The following CDK5RAP1 variants were observed in gnomAD, a reference collection of about 807,000 sequenced individuals.
CDK5RAP1 encodes mitochondrial tRNA methylthiotransferase CDK5RAP1.
A neutral mutation model predicts 64.5 loss-of-function variants in CDK5RAP1; 62 were observed. The ratio of observed to expected loss-of-function variants is 0.96; its 90% confidence interval spans 0.78 to 1.19. CDK5RAP1 has a LOEUF of 1.19. CDK5RAP1 is among the 50% of genes most tolerant of loss of function. The probability of loss-of-function intolerance (pLI) is 0.00; values close to 1 mark genes in which losing one functional copy is unlikely to be tolerated. For synonymous variants in CDK5RAP1, 250 were observed against 261.9 expected (o/e 0.95, Z 0.44); for missense variants, 657 against 735.0 (o/e 0.89, Z 1.23).
rs910163943 is a variant in CDK5RAP1 at position 33,374,344 on chromosome 20, C to A, written c.1108-132G>T. 31 of 632,316 alleles carry A rather than the reference C, an allele frequency of 4.9e-5. No homozygotes were observed. The Middle Eastern group carries it at 1.0e-3, about 20-fold the overall frequency. The allele number at this position is 632,316 out of a possible 1,614,324, so 39.2% of individuals were successfully genotyped here. On this transcript the variant is annotated intron_variant, in intron 8 of 13. Transcript: ENST00000346416. ...TAAGAGGCTAATTAAACCAGACACA[C>A]AAAATCACCTATTCCCTAACTTTTG...
At chr20:33,382,409 G>A (rs562730242) in intron 7 of CDK5RAP1, among the ~76,000 whole-genome samples, 5 of 152,258 alleles carry the variant, frequency 3.3e-5, no homozygotes, top group East Asian at 3.9e-4. Context: ...GGCCAGACAC[G>A]GTGGCTCATG....
In CDK5RAP1 at chr20:33,360,406, A is replaced by G; in HGVS notation, c.1628T>C (p.Val543Ala). Residue 543 changes from valine to alanine, a missense_variant, in exon 13 of 14, where the codon GTC becomes GCC. Coordinates refer to ENST00000346416, the MANE Select transcript of CDK5RAP1 (RefSeq NM_016408.4). The stretch of plus-strand genomic sequence containing the variant: ...TCTGACCCTGAGCCCAGGGTTATTG[A>G]CATCCTCCATCTCTGCATCAGGGAA... ...VIFPDAEMED[V>A]NNPGLRVRAQ... 2.5e-6 allele frequency: 4 copies of G among 1,613,974 alleles called. No individual in the cohort carries two copies. The highest frequency in any genetic ancestry group is 3.4e-6 in the Non-Finnish European group (4 of 1,179,850).
intron 7 of CDK5RAP1, 26 bp downstream of exon 7, chr20:33,385,624 G>A (rs906259961): frequency 1.9e-6 from 3 of 1,612,496 alleles, no homozygotes; most frequent in South Asian, 2.2e-5. Flanking sequence ...CATGTTCACA[G>A]CAAGAAAGCC....
intron 2 of CDK5RAP1, 58 bp downstream of exon 2, chr20:33,396,703 G>A: frequency 7.9e-7 from 1 of 1,267,090 alleles, no homozygotes; most frequent in Non-Finnish European, 1.1e-6. Context: ...AATCATGCCA[G>A]GAATGACAGA....
chr20:33,382,828 G>A (rs1263865381), intron 7 of CDK5RAP1, among the ~76,000 whole-genome samples: 2 of 152,024 alleles, frequency 1.3e-5, no homozygotes, highest in African/African-American at 4.8e-5. Context: ...TCATAACACT[G>A]CACTCCAGCC....
chr20:33,374,560 A>G (rs1206439663), intron 8 of CDK5RAP1, among the ~76,000 whole-genome samples: 1 of 151,026 alleles, frequency 6.6e-6, no homozygotes, highest in Non-Finnish European at 1.5e-5. Flanking sequence ...CAAAGCAGTC[A>G]CTTTCTATTT....
At chr20:33,392,339 C>T in intron 4 of CDK5RAP1, 97 bp from the exon 5 acceptor site, 3 of 606,954 alleles carry the variant, frequency 4.9e-6, no homozygotes, top group Non-Finnish European at 8.2e-6. Context: ...CCACCTTCAA[C>T]CCTTTAAATC....
In CDK5RAP1 at chr20:33,387,450, C is replaced by T. The variant is rs773066329; in HGVS notation, c.628G>A (p.Asp210Asn). The T allele has an allele frequency of 2.5e-6, 4 of 1,614,090 alleles. No individual in the cohort carries two copies. The highest frequency in any genetic ancestry group is 3.3e-5 in the Admixed American group (2 of 60,010). Residue 210 changes from aspartate to asparagine, a missense_variant, in exon 6 of 14, where the codon GAC becomes AAC. Coordinates refer to ENST00000346416, the MANE Select transcript of CDK5RAP1 (RefSeq NM_016408.4). ...DILAGPDAYR[D>N]LPRLLAVAES... ...GCAACAGCCAGCAGCCGGGGAAGGT[C>T]CCGGTAGGCATCAGGACCAGCCAAA...
chr20:33,359,349 C>T, intron 13 of CDK5RAP1: 2 of 497,336 alleles, frequency 4.0e-6, no homozygotes, highest in East Asian at 6.8e-5. Context: ...CCAGCCACTT[C>T]TCCCTTTTCT....
At chr20:33,362,938 T>C (rs1240299250) in intron 12 of CDK5RAP1, among the ~76,000 whole-genome samples, 2 of 152,212 alleles carry the variant, frequency 1.3e-5, no homozygotes, top group Non-Finnish European at 2.9e-5. Flanking sequence ...ATTTAGAGGC[T>C]CTACTATTCC....
chr20:33,399,925 T>A lies in CDK5RAP1; in HGVS notation c.-21+1503A>T, dbSNP rs752373165. Among the ~76,000 whole-genome samples the A allele has an allele frequency of 2.0e-5, 3 of 152,086 alleles. No individual in the cohort carries two copies. The South Asian group carries it at 6.2e-4, about 31-fold the overall frequency. On this transcript the variant is annotated intron_variant, in intron 1 of 13. Coordinates refer to ENST00000346416, the MANE Select transcript of CDK5RAP1 (RefSeq NM_016408.4). ...CAGCCATTGTGGTATGTGCCTGTAA[T>A]CCCAGCAACTTGGGAAGCTGAGGTA...
At chr20:33,389,444 G>A (rs963014916) in intron 5 of CDK5RAP1, among the ~76,000 whole-genome samples, 2 of 152,158 alleles carry the variant, frequency 1.3e-5, no homozygotes, top group African/African-American at 2.4e-5. Flanking sequence ...CCCCGACTGG[G>A]AAGTGAGGAG....
At chr20:33,399,210 A>G (rs1989172487) in intron 1 of CDK5RAP1, among the ~76,000 whole-genome samples, 2 of 151,588 alleles carry the variant, frequency 1.3e-5, no homozygotes, top group African/African-American at 4.9e-5. Context: ...TAGGATCACC[A>G]TATATTTTTA....
At chr20:33,369,714 A>C (rs1228896279) in intron 11 of CDK5RAP1, among the ~76,000 whole-genome samples, 1 of 152,172 alleles carries the variant, frequency 6.6e-6, no homozygotes, top group Admixed American at 6.5e-5. Flanking sequence ...CAGGAGTTTG[A>C]GACCAACCTG....
At chr20:33,401,182 A>G (rs1419270396) in intron 1 of CDK5RAP1, among the ~76,000 whole-genome samples, 2 of 152,146 alleles carry the variant, frequency 1.3e-5, no homozygotes, top group Non-Finnish European at 2.9e-5. Flanking sequence ...TGTACTGTCA[A>G]CCCCACTTCA....
intron 12 of CDK5RAP1, among the ~76,000 whole-genome samples, chr20:33,366,432 A>T (rs1983975084): frequency 7.1e-6 from 1 of 140,722 alleles, no homozygotes; most frequent in Non-Finnish European, 1.6e-5. Context: ...AACATGATGA[A>T]ACCCCGTCTC....
In CDK5RAP1 at chr20:33,374,111, T is replaced by A; in HGVS notation, c.1205+4A>T. The A allele has an allele frequency of 6.2e-7, 1 of 1,608,162 alleles. No individual in the cohort carries two copies. Among genetic ancestry groups the A allele is most frequent in the South Asian group, 1.1e-5 (1 of 90,948 alleles). ...GGGATGCCCCCTCTCCAAGCAAGCC[T>A]GACCCCCTCCGCATGGCCTCCAACA... On this transcript the variant is annotated splice_donor_region_variant and intron_variant, in intron 9 of 13. Coordinates refer to ENST00000346416, the MANE Select transcript of CDK5RAP1 (RefSeq NM_016408.4).
chr20:33,395,761 C>T (rs1988843350), intron 2 of CDK5RAP1, among the ~76,000 whole-genome samples: 1 of 152,126 alleles, frequency 6.6e-6, no homozygotes, highest in East Asian at 1.9e-4. Context: ...GCCTGTAATC[C>T]CAGCACTTTG....
Position 33,366,977 on chromosome 20 carries a change from T to C in CDK5RAP1, c.1424A>G (p.Asp475Gly). The stretch of plus-strand genomic sequence containing the variant: ...CCTTAATTTTACCTCTTCCGGGACA[T>C]CATCCTTCAGCCTATGATATGCCCG... ...KTRAYHRLKD[D>G]VPEEVKLRRL... is the part of the protein sequence containing the mutation. Residue 475 changes from aspartate to glycine, a missense_variant, in exon 12 of 14, where the codon GAT (aspartate) becomes GGT (glycine). Transcript: ENST00000346416. The C allele has an allele frequency of 1.9e-6, 3 of 1,612,278 alleles. No homozygotes were observed. Among genetic ancestry groups the C allele is most frequent in the Non-Finnish European group, 2.5e-6 (3 of 1,179,626 alleles).
Sources: allele counts gnomAD v4.1 joint callset (sites outside exome capture counted in the v4.1 genomes callset), GRCh38; gene constraint gnomAD v4.1.1; transcripts MANE v1.5; gene names NCBI Gene and HGNC (gene_info 2026-07-23, HGNC 2026-07-21).